RPTOR: variants seen among roughly 807,000 people sequenced by gnomAD.
RPTOR encodes the protein regulatory-associated protein of mTOR.
RPTOR carries 21 observed loss-of-function variants against 169.9 expected under a neutral mutation model. The ratio of observed to expected loss-of-function variants is 0.12; its 90% CI spans 0.09 to 0.18. The LOEUF (loss-of-function observed/expected upper bound fraction) is 0.18, where lower values mean the gene tolerates loss of function less well. Among genes scored for constraint, RPTOR ranks in the 10% least tolerant of loss-of-function variants. The pLI, the probability that RPTOR is intolerant of heterozygous loss-of-function variation, is 1.00. For synonymous variants in RPTOR, 732 were observed against 753.2 expected (o/e 0.97, Z 0.46); for missense variants, 1,133 against 1,855.9 (o/e 0.61, Z 7.16).
chr17:80,634,694 CGTGTGCGT>C (rs2065487081), intron 2 of RPTOR, among the ~76,000 whole-genome samples: 1 of 22,242 alleles, frequency 4.5e-5, no homozygotes, highest in African/African-American at 1.8e-4. Flanking sequence ...GTACTGTGTG[CGTGTGCGT>C]ACTGTGTGTG....
At position 80,746,681 on chromosome 17, in the gene RPTOR, T is replaced by C. The variant is rs943548381; in HGVS notation, c.655-7329T>C. 6.6e-6 allele frequency among the ~76,000 whole-genome samples: 1 copy of C among 152,168 alleles called. No homozygotes were observed. The highest frequency in any genetic ancestry group is 2.1e-4 in the South Asian group (1 of 4,828). On this transcript the variant is annotated intron_variant, in intron 5 of 33. Coordinates refer to ENST00000306801, the MANE Select transcript of RPTOR (RefSeq NM_020761.3). This position sits in a 1 kb window ranked among gnomAD's most constrained non-coding sequence, Gnocchi z 4.5. ...ATGGCTCTGGGCTGGAATTGGTCAC[T>C]TTTAGGCCTGGGCACTGTTCACAAG...
intron 23 of RPTOR, among the ~76,000 whole-genome samples, chr17:80,924,671 T>TG (rs1418241731): frequency 1.3e-5 from 2 of 150,888 alleles, no homozygotes; most frequent in Non-Finnish European, 3.0e-5. Flanking sequence ...CCCCCCGGGG[T>TG]GGGGGGGATG....
At chr17:80,621,312 A>G (rs1055903044) in intron 1 of RPTOR, among the ~76,000 whole-genome samples, 1 of 152,222 alleles carries the variant, frequency 6.6e-6, no homozygotes, top group East Asian at 1.9e-4. Flanking sequence ...TTTATAATTA[A>G]CTAGAGCTAC....
intron 11 of RPTOR, among the ~76,000 whole-genome samples, chr17:80,850,758 T>G (rs1157528287): frequency 2.0e-5 from 3 of 152,208 alleles, no homozygotes; most frequent in African/African-American, 7.2e-5. Context: ...TAGAGTGATG[T>G]TATACATACC....
At chr17:80,706,646 A>T (rs1309480606) in intron 3 of RPTOR, among the ~76,000 whole-genome samples, 1 of 152,164 alleles carries the variant, frequency 6.6e-6, no homozygotes, top group Non-Finnish European at 1.5e-5. Flanking sequence ...GAGAGGCCCT[A>T]GGGGAGCCTG....
In RPTOR at chr17:80,687,016, G is replaced by T. The variant is rs187560289; in HGVS notation, c.349-20825G>T. On this transcript the variant is annotated intron_variant, in intron 3 of 33. Coordinates refer to ENST00000306801, the MANE Select transcript of RPTOR (RefSeq NM_020761.3). The stretch of plus-strand genomic sequence containing the variant: ...AGTAACCAGAGAGTGGAATCTGTCT[G>T]TCTGTGTCTTCCATAACCAAAATAC... 7.3e-4 allele frequency among the ~76,000 whole-genome samples: 111 copies of T among 152,318 alleles called. 2 individuals are homozygous for T. In the East Asian group the frequency reaches 0.018, roughly 25 times the overall value.
rs371722129 is a variant in RPTOR at position 80,908,882 on chromosome 17, G to A, written c.2473G>A (p.Glu825Lys). The change falls in exon 21 of 34, where the codon GAG (glutamate) becomes AAG (lysine). Residue 825 changes from glutamate (E) to lysine (K), a missense_variant. Physicochemically the swap from Glu to Lys is moderately conservative, Grantham distance 56 (BLOSUM62 1). Coordinates refer to ENST00000306801, the MANE Select transcript of RPTOR (RefSeq NM_020761.3). ...LLHLAADPYP[E>K]VSDVAMKVLN... ...GCACCTGGCTGCTGACCCCTATCCA[G>A]AGGTCTCGGACGTGGCCATGAAAGT... is the stretch of plus-strand genomic sequence containing the variant. The A allele has an allele frequency of 1.3e-5, 21 of 1,614,132 alleles. No individual in the cohort carries two copies. The highest frequency in any genetic ancestry group is 1.4e-5 in the Non-Finnish European group (17 of 1,180,014).
chr17:80,825,038 T>C (rs2067424029), intron 9 of RPTOR, among the ~76,000 whole-genome samples: 1 of 148,714 alleles, frequency 6.7e-6, no homozygotes. Context: ...AGAGGCCGCG[T>C]GGCGAGGCCA....
intron 14 of RPTOR, among the ~76,000 whole-genome samples, chr17:80,882,125 G>A (rs1261694559): frequency 6.6e-6 from 1 of 152,220 alleles, no homozygotes; most frequent in Non-Finnish European, 1.5e-5. Flanking sequence ...GCCACCTGGA[G>A]CGCCGTCCAT....
intron 10 of RPTOR, among the ~76,000 whole-genome samples, chr17:80,843,150 T>C (rs572216106): frequency 1.3e-5 from 2 of 152,364 alleles, no homozygotes; most frequent in Non-Finnish European, 1.5e-5. Context: ...TGGATTTTTG[T>C]TGAGATTACA....
intron 17 of RPTOR, among the ~76,000 whole-genome samples, chr17:80,887,384 G>T (rs573242446): frequency 7.2e-5 from 10 of 138,000 alleles, no homozygotes; most frequent in African/African-American, 1.8e-4. Flanking sequence ...CTGACTCTTG[G>T]GGGGGGTGCT....
At chr17:80,737,326 G>GCC (rs2066441838) in intron 5 of RPTOR, among the ~76,000 whole-genome samples, 1 of 152,146 alleles carries the variant, frequency 6.6e-6, no homozygotes, top group African/African-American at 2.4e-5. Context: ...CCATGCCGAG[G>GCC]TCTTTATTTC....
intron 6 of RPTOR, among the ~76,000 whole-genome samples, chr17:80,761,857 G>C (rs1034469472): frequency 7.9e-5 from 12 of 152,182 alleles, no homozygotes; most frequent in African/African-American, 2.9e-4. Flanking sequence ...CTCCCAGAGG[G>C]TGAAGTAACC....
chr17:80,746,460 C>A lies in RPTOR; in HGVS notation c.655-7550C>A, dbSNP rs1226955997. ...ACTCCACATTACCCACACGTGGGAA[C>A]AATGCAGCAGATGTCTTTTTTGGAT... On this transcript the variant is annotated intron_variant, in intron 5 of 33. Coordinates refer to ENST00000306801, the MANE Select transcript of RPTOR (RefSeq NM_020761.3). The surrounding 1 kb of genome is among the most constrained non-coding windows in gnomAD (Gnocchi z 4.5). Among the ~76,000 whole-genome samples the A allele has an allele frequency of 6.6e-6, 1 of 152,264 alleles. No individual in the cohort carries two copies. Among genetic ancestry groups the A allele is most frequent in the African/African-American group, 2.4e-5 (1 of 41,480 alleles).
intron 21 of RPTOR, among the ~76,000 whole-genome samples, chr17:80,917,953 A>G (rs9904983): frequency 0.89 from 135,293 of 152,224 alleles, 60,326 homozygotes; most frequent in African/African-American, 0.95. Flanking sequence ...CACCCTCTGC[A>G]TCCTCAGCAA....
chr17:80,925,379 G>A lies in RPTOR; in HGVS notation c.2818G>A (p.Asp940Asn), dbSNP rs760865448. The A allele has an allele frequency of 1.7e-5, 28 of 1,613,470 alleles. No homozygotes were observed. Among genetic ancestry groups the A allele is most frequent in the Middle Eastern group, 1.6e-4 (1 of 6,084 alleles). ...TGCTTAAACCCTGAAGACTGCGGACGACGCGGACGATGCTGCTGGACACAA... is the reference window on the plus strand; with the variant it reads ...TGCTTAAACCCTGAAGACTGCGGACAACGCGGACGATGCTGCTGGACACAA... ...FDKGPEQTAD[D>N]ADDAAGHKSF... Residue 940 changes from aspartate (D) to asparagine (N), a missense_variant, in exon 24 of 34, where the codon GAC becomes AAC. By Grantham distance (23) the Asp-to-Asn change is conservative. Coordinates refer to ENST00000306801, the MANE Select transcript of RPTOR (RefSeq NM_020761.3).
intron 10 of RPTOR, among the ~76,000 whole-genome samples, chr17:80,841,308 G>C (rs1331585442): frequency 2.9e-3 from 234 of 82,024 alleles, no homozygotes; most frequent in Middle Eastern, 0.012. Context: ...CAGCACGGCA[G>C]CTCACACTCA....
At chr17:80,714,969 C>T (rs761381829) in intron 4 of RPTOR, among the ~76,000 whole-genome samples, 16 of 152,174 alleles carry the variant, frequency 1.1e-4, no homozygotes, top group East Asian at 3.8e-4. Flanking sequence ...GTGATCCTCC[C>T]ACCTTGGCCT....
At chr17:80,829,609 G>A (rs982504971) in intron 9 of RPTOR, among the ~76,000 whole-genome samples, 2 of 152,136 alleles carry the variant, frequency 1.3e-5, no homozygotes, top group Admixed American at 6.5e-5. Flanking sequence ...TGAAGCCCTC[G>A]GTGCCTCGGC....
Sources: gnomAD v4.1 joint callset for allele counts (sites outside exome capture counted in the v4.1 genomes callset) on GRCh38, gnomAD v4.1.1 for gene constraint, Gnocchi (gnomAD v3.1) non-coding constraint, MANE v1.5 for transcripts, NCBI Gene and HGNC (gene_info 2026-07-23, HGNC 2026-07-21) for gene names.